ME1: variants seen among roughly 807,000 people sequenced by gnomAD.
The protein encoded by ME1 is NADP-dependent malic enzyme.
A neutral mutation model predicts 66.4 loss-of-function variants in ME1; 74 were observed. The ratio of observed to expected loss-of-function variants is 1.11; its 90% CI spans 0.92 to 1.35. The LOEUF (loss-of-function observed/expected upper bound fraction) is 1.35. ME1 is among the 40% of genes most tolerant of loss of function. ME1 has a pLI of 0.00. For synonymous variants in ME1, 251 were observed against 235.6 expected, an observed-to-expected ratio of 1.07 and a Z score of -0.60; for missense variants, 750 against 694.1, an observed-to-expected ratio of 1.08 and a Z score of -0.90.
chr6:83,256,634 G>A (rs954034583), intron 6 of ME1, among the ~76,000 whole-genome samples: 25 of 152,162 alleles, frequency 1.6e-4, no homozygotes, highest in African/African-American at 5.8e-4. Flanking sequence ...ACAGTGTGAC[G>A]GTTCCTCAAG....
At position 83,315,270 on chromosome 6, in the gene ME1, T is replaced by C. The variant is rs376098303; in HGVS notation, c.704+40A>G. 12 of 1,212,200 alleles carry C rather than the reference T, an allele frequency of 9.9e-6. No individual in the cohort carries two copies. In the Admixed American group the frequency reaches 1.5e-4, roughly 15 times the overall value. The allele number at this position is 1,212,200 out of a possible 1,614,324, so 75.1% of individuals were successfully genotyped here. ...GATTTTTTAATAGTCTGTTATGTTATTGTTACTGACTAAAATATAGGTTAA... is the reference window on the plus strand; with the variant it reads ...GATTTTTTAATAGTCTGTTATGTTACTGTTACTGACTAAAATATAGGTTAA... On this transcript the variant is annotated intron_variant, in intron 6 of 13. Transcript: ENST00000369705.
intron 1 of ME1, among the ~76,000 whole-genome samples, chr6:83,428,967 A>G (rs1236832193): frequency 6.6e-6 from 1 of 152,172 alleles, no homozygotes; most frequent in East Asian, 1.9e-4. Flanking sequence ...AAGGATTGTT[A>G]TATCATAAAT....
Position 83,354,360 on chromosome 6 carries a change from G to A in ME1, c.363-2221C>T, listed in dbSNP as rs540041728. ...TTGGCCAGGCTGGTCTTGAACTCCT[G>A]ACCTCAAGTGATCCGCCTGCCTCAG... is the stretch of plus-strand genomic sequence containing the variant. On this transcript the variant is annotated intron_variant, in intron 3 of 13. Coordinates refer to ENST00000369705, the MANE Select transcript of ME1 (RefSeq NM_002395.6). Among the ~76,000 whole-genome samples the A allele has an allele frequency of 6.6e-5, 10 of 152,290 alleles. No homozygotes were observed. The East Asian group carries it at 1.9e-3, about 29-fold the overall frequency.
chr6:83,334,300 G>A (rs1223259168), intron 5 of ME1, among the ~76,000 whole-genome samples: 2 of 128,738 alleles, frequency 1.6e-5, no homozygotes, highest in African/African-American at 5.9e-5. Flanking sequence ...TCCCACACCT[G>A]GCTCAGAGGG....
At chr6:83,296,997 T>C (rs530191400) in intron 6 of ME1, among the ~76,000 whole-genome samples, 3 of 152,340 alleles carry the variant, frequency 2.0e-5, no homozygotes, top group Non-Finnish European at 2.9e-5. Flanking sequence ...TCAGTTGAAA[T>C]TGATCATCAC....
At chr6:83,309,730 T>C (rs1767895921) in intron 6 of ME1, among the ~76,000 whole-genome samples, 1 of 151,974 alleles carries the variant, frequency 6.6e-6, no homozygotes, top group Non-Finnish European at 1.5e-5. Flanking sequence ...AAGTGGAGAT[T>C]AATAGCAAAA....
intron 9 of ME1, 144 bp from the exon 10 acceptor site, chr6:83,229,075 G>T: frequency 1.6e-6 from 1 of 634,150 alleles, no homozygotes; most frequent in East Asian, 2.8e-5. Flanking sequence ...TTCTTCAATT[G>T]TCAGAATGTT....
At position 83,351,384 on chromosome 6, in the gene ME1, G is replaced by C. The variant is rs565880720; in HGVS notation, c.438+680C>G. Among the ~76,000 whole-genome samples the C allele has an allele frequency of 3.3e-5, 5 of 152,178 alleles. No homozygotes were observed. The South Asian group carries it at 6.2e-4, about 19-fold the overall frequency. ...CTAGGCATTCAACAGAAAAGAAAGA[G>C]GGAACCAAAGGGAGAACAAACACTT... On this transcript the variant is annotated intron_variant, in intron 4 of 13. Coordinates refer to ENST00000369705, the MANE Select transcript of ME1 (RefSeq NM_002395.6).
chr6:83,300,344 A>G (rs1212153822), intron 6 of ME1, among the ~76,000 whole-genome samples: 1 of 152,174 alleles, frequency 6.6e-6, no homozygotes, highest in Non-Finnish European at 1.5e-5. Flanking sequence ...TTCATGACAA[A>G]GATGCCAAAA....
At chr6:83,241,072 A>G (rs1790500681) in intron 7 of ME1, among the ~76,000 whole-genome samples, 2 of 152,192 alleles carry the variant, frequency 1.3e-5, no homozygotes, top group Admixed American at 1.3e-4. Context: ...GTATGTAGAG[A>G]ATATATCATG....
chr6:83,242,025 G>T lies in ME1; in HGVS notation c.815-2389C>A, dbSNP rs139394945. 2.3e-4 allele frequency among the ~76,000 whole-genome samples: 35 copies of T among 152,176 alleles called. 1 individual carries two copies. In the East Asian group the frequency reaches 6.8e-3, roughly 29 times the overall value. On this transcript the variant is annotated intron_variant, in intron 7 of 13. Coordinates refer to ENST00000369705, the MANE Select transcript of ME1 (RefSeq NM_002395.6). ...TTACAGGCACCCACCACCATGCCTG[G>T]CTAATTTTTGTATTTTTAGTAGAGA...
intron 2 of ME1, among the ~76,000 whole-genome samples, chr6:83,405,141 T>C (rs889781384): frequency 6.6e-6 from 1 of 152,242 alleles, no homozygotes; most frequent in African/African-American, 2.4e-5. Context: ...TCCATGAGCA[T>C]GAAATGTTCT....
At chr6:83,315,471 C>A in intron 5 of ME1, 58 bp from the exon 6 acceptor site, 1 of 1,011,800 alleles carries the variant, frequency 9.9e-7, no homozygotes, top group African/African-American at 1.6e-5. Flanking sequence ...ATTTATTGAG[C>A]CTCAGTTTCT....
At chr6:83,258,889 G>A (rs1766832030) in intron 6 of ME1, among the ~76,000 whole-genome samples, 1 of 152,126 alleles carries the variant, frequency 6.6e-6, no homozygotes, top group South Asian at 2.1e-4. Flanking sequence ...GAAATGAATA[G>A]CATATTTACA....
intron 6 of ME1, among the ~76,000 whole-genome samples, chr6:83,261,996 A>G (rs1288840772): frequency 6.8e-6 from 1 of 146,882 alleles, no homozygotes; most frequent in Non-Finnish European, 1.5e-5. Context: ...CCTGGGCAAC[A>G]GAGCGAGAAT....
intron 3 of ME1, among the ~76,000 whole-genome samples, chr6:83,390,741 T>C (rs758617350): frequency 9.2e-5 from 14 of 152,018 alleles, no homozygotes; most frequent in Non-Finnish European, 1.8e-4. Context: ...TACAGAAAAG[T>C]TGAAAGAATA....
chr6:83,254,001 GA>G (rs1790764712), intron 6 of ME1, among the ~76,000 whole-genome samples: 2 of 152,026 alleles, frequency 1.3e-5, no homozygotes, highest in Non-Finnish European at 2.9e-5. Context: ...ACTTTTAGTG[GA>G]AACAAAAATT....
intron 3 of ME1, among the ~76,000 whole-genome samples, chr6:83,353,108 T>C (rs183507037): frequency 1.3e-5 from 2 of 152,330 alleles, no homozygotes; most frequent in Admixed American, 6.5e-5. Flanking sequence ...TCAATATAGA[T>C]TTGGCTAATT....
At chr6:83,342,105 T>C (rs2023242) in intron 5 of ME1, among the ~76,000 whole-genome samples, 38,538 of 151,980 alleles carry the variant, frequency 0.25, 5,568 homozygotes, top group Middle Eastern at 0.46. Context: ...ATTGGTTGCT[T>C]TCTGCAACCA....
Sources: gnomAD v4.1 joint callset for allele counts (sites outside exome capture counted in the v4.1 genomes callset) on GRCh38, gnomAD v4.1.1 for gene constraint, MANE v1.5 for transcripts, NCBI Gene and HGNC (gene_info 2026-07-23, HGNC 2026-07-21) for gene names.